Variants in OR3A2 observed in about 807,000 individuals in gnomAD.
The protein encoded by OR3A2 is olfactory receptor 3A2.
For synonymous variants in OR3A2, 126 were observed against 159.3 expected, an observed-to-expected ratio of 0.79 and a Z score of 1.57; for missense variants, 318 against 392.8, an observed-to-expected ratio of 0.81 and a Z score of 1.61.
intron 3 of OR3A2, among the ~76,000 whole-genome samples, chr17:3,290,199 T>A (rs115501922): frequency 3.9e-5 from 6 of 152,198 alleles, no homozygotes; most frequent in African/African-American, 1.4e-4. Context: ...AGTGCTGGAA[T>A]TGGTTATTGC....
chr17:3,348,190 T>C (rs1334084630), intron 2 of OR3A2, among the ~76,000 whole-genome samples: 1 of 152,174 alleles, frequency 6.6e-6, no homozygotes, highest in Non-Finnish European at 1.5e-5. Flanking sequence ...TCCCATTTTG[T>C]AGGTTGCCTG....
At chr17:3,376,897 A>G (rs1206530913) in intron 2 of OR3A2, among the ~76,000 whole-genome samples, 3 of 152,136 alleles carry the variant, frequency 2.0e-5, no homozygotes, top group Non-Finnish European at 2.9e-5. Flanking sequence ...GGGTGCCTAC[A>G]GGGCTCTTTC....
chr17:3,295,477 A>T (rs1051313926), intron 3 of OR3A2, among the ~76,000 whole-genome samples: 1 of 152,144 alleles, frequency 6.6e-6, no homozygotes, highest in East Asian at 1.9e-4. Context: ...CTTCTAAAAT[A>T]TAAGAGGAAG....
At chr17:3,378,511 C>A (rs568629257) in intron 2 of OR3A2, among the ~76,000 whole-genome samples, 8 of 152,256 alleles carry the variant, frequency 5.3e-5, no homozygotes, top group East Asian at 1.9e-4. Context: ...TCCAGAGCCA[C>A]GGCTGGGCAG....
At chr17:3,381,912 T>A (rs1237590354) in intron 2 of OR3A2, among the ~76,000 whole-genome samples, 3 of 152,072 alleles carry the variant, frequency 2.0e-5, no homozygotes, top group Non-Finnish European at 4.4e-5. Context: ...TTCAGAAGGC[T>A]CATCATCTAG....
chr17:3,291,508 C>T, intron 3 of OR3A2: 1 of 674,386 alleles, frequency 1.5e-6, no homozygotes, highest in Non-Finnish European at 2.5e-6. Flanking sequence ...CTATTATTCC[C>T]TACAAAAAGT....
chr17:3,300,530 A>G (rs2955820), intron 3 of OR3A2, among the ~76,000 whole-genome samples: 102,494 of 151,766 alleles, frequency 0.68, 35,890 homozygotes, highest in East Asian at 1. Context: ...CTGCACTCCA[A>G]CCTGGGCAAC....
chr17:3,323,354 T>G (rs1028822422), intron 3 of OR3A2, among the ~76,000 whole-genome samples: 1 of 152,178 alleles, frequency 6.6e-6, no homozygotes, highest in Non-Finnish European at 1.5e-5. Context: ...TTAGTCTATT[T>G]ATATTCAAAG....
intron 2 of OR3A2, among the ~76,000 whole-genome samples, chr17:3,373,480 C>T (rs531349929): frequency 3.3e-5 from 5 of 152,174 alleles, no homozygotes; most frequent in Admixed American, 6.5e-5. Flanking sequence ...CTCCAGTGTT[C>T]GGTACATATA....
chr17:3,372,889 G>A (rs1271452638), intron 2 of OR3A2, among the ~76,000 whole-genome samples: 1 of 106,256 alleles, frequency 9.4e-6, no homozygotes, highest in Non-Finnish European at 1.9e-5. Context: ...GAGAGGGAGA[G>A]GGAGAGGGAG....
At chr17:3,278,804 A>G (rs2048760202) in exon 2 of OR3A2, 2 of 1,527,406 alleles carry the variant, frequency 1.3e-6, no homozygotes, top group Non-Finnish European at 1.8e-6. Context: ...TTGTGACCAG[A>G]TAGGCAAAGA....
intron 3 of OR3A2, among the ~76,000 whole-genome samples, chr17:3,308,156 A>T (rs879479771): frequency 6.6e-5 from 10 of 152,198 alleles, no homozygotes; most frequent in South Asian, 2.1e-4. Context: ...ATTTGAGGTC[A>T]TTATGTCTTT....
At chr17:3,381,598 T>C (rs1377099987) in intron 2 of OR3A2, among the ~76,000 whole-genome samples, 2 of 152,164 alleles carry the variant, frequency 1.3e-5, no homozygotes, top group African/African-American at 4.8e-5. Context: ...CACCTACTAT[T>C]TGCAAAGTGT....
chr17:3,330,030 G>C (rs1453732089), intron 3 of OR3A2, among the ~76,000 whole-genome samples: 2 of 147,270 alleles, frequency 1.4e-5, no homozygotes, highest in Non-Finnish European at 3.0e-5. Flanking sequence ...TTTTGAGTGA[G>C]ATTCTTAATC....
At chr17:3,383,118 GAAGAA>G (rs2049752320) in intron 2 of OR3A2, among the ~76,000 whole-genome samples, 1 of 152,172 alleles carries the variant, frequency 6.6e-6, no homozygotes, top group African/African-American at 2.4e-5. Context: ...TGTTTGGGTT[GAAGAA>G]AAGAATAGTG....
intron 3 of OR3A2, among the ~76,000 whole-genome samples, chr17:3,296,867 A>C (rs2048922698): frequency 6.6e-6 from 1 of 152,220 alleles, no homozygotes; most frequent in Non-Finnish European, 1.5e-5. Flanking sequence ...ATTGTGTTAA[A>C]CTTTCAAGGA....
chr17:3,288,615 T>G (rs929148201), upstream of OR3A2, among the ~76,000 whole-genome samples: 2 of 152,216 alleles, frequency 1.3e-5, no homozygotes, highest in African/African-American at 4.8e-5. Context: ...TAATACAGTA[T>G]TTCATCTAGT....
chr17:3,330,678 T>C (rs2049223957), intron 3 of OR3A2, among the ~76,000 whole-genome samples: 1 of 152,222 alleles, frequency 6.6e-6, no homozygotes, highest in South Asian at 2.1e-4. Context: ...TTTGCCAGTC[T>C]GTGTCTTTTA....
intron 3 of OR3A2, chr17:3,290,883 G>C (rs955396674): frequency 3.3e-5 from 5 of 152,160 alleles, no homozygotes; most frequent in African/African-American, 1.2e-4. Context: ...TGTAAATAAT[G>C]CTTAGATTAT....
Sources: allele counts gnomAD v4.1 joint callset (sites outside exome capture counted in the v4.1 genomes callset), GRCh38; gene constraint gnomAD v4.1.1; transcripts MANE v1.5; gene names NCBI Gene and HGNC (gene_info 2026-07-23, HGNC 2026-07-21).